The following CLASRP variants were observed in gnomAD, a reference collection of about 807,000 sequenced individuals.
The protein encoded by CLASRP is CLK4 associating serine/arginine rich protein.
A neutral mutation model predicts 99.9 loss-of-function variants in CLASRP; 52 were observed. That is an observed-to-expected ratio of 0.52 (90% CI 0.42 to 0.66). CLASRP has a LOEUF of 0.66. CLASRP is among the 30% of genes least tolerant of loss of function. The pLI, the probability that CLASRP is intolerant of heterozygous loss-of-function variation, is 0.00. For missense variants in CLASRP, 848 were observed against 999.2 expected, an observed-to-expected ratio of 0.85 and a Z score of 2.04; for synonymous variants, 379 against 373.0, an observed-to-expected ratio of 1.02 and a Z score of -0.18.
In CLASRP at chr19:45,064,617, C is replaced by A. The variant is rs754173906; in HGVS notation, c.1396C>A (p.Arg466=). ...SPARRGGYGP[R]RRSRSRSHSG... is the part of the protein sequence containing the mutation. ...CGCCCGGCGTGGTGGTTACGGGCCC[C>A]GGCGCAGAAGCAGGTGTGTGTGGCT... Residue 466 remains arginine (R), a synonymous_variant, in exon 13 of 21, where the codon CGG becomes AGG. Transcript: ENST00000221455. 1.3e-6 allele frequency: 2 copies of A among 1,551,304 alleles called. No individual in the cohort carries two copies. The highest frequency in any genetic ancestry group is 4.7e-5 in the East Asian group (2 of 42,250).
At position 45,070,804 on chromosome 19, in the gene CLASRP, C is replaced by T. The variant is rs935094801; in HGVS notation, c.1984C>T (p.Arg662Cys). ...YSREYSSSRR[R>C]SRSRSRSPHY... ...CGGCCCCTCCCTTTCTCTTTCCAGG[C>T]GCTCAAGGTCCCGATCCCGAAGCCC... Residue 662 changes from arginine to cysteine, a missense_variant and splice_region_variant, in exon 21 of 21, where the codon CGC becomes TGC. Physicochemically the swap from Arg to Cys is radical, Grantham distance 180 (BLOSUM62 -3). Around this residue, in one of 8 missense-constraint regions of CLASRP, gnomAD observed 116 missense variants for 162.7 expected, o/e 0.71. Transcript: ENST00000221455. 3.2e-5 allele frequency: 51 copies of T among 1,610,648 alleles called. No homozygotes were observed. The highest frequency in any genetic ancestry group is 7.7e-5 in the South Asian group (7 of 90,824).
At chr19:45,046,591 G>A (rs1250809474) in intron 2 of CLASRP, among the ~76,000 whole-genome samples, 1 of 152,182 alleles carries the variant, frequency 6.6e-6, no homozygotes, top group Non-Finnish European at 1.5e-5. Context: ...AGCCCATGAG[G>A]GCAGGGCCAG....
chr19:45,065,417 T>C (rs1967062882), intron 13 of CLASRP, among the ~76,000 whole-genome samples: 1 of 148,780 alleles, frequency 6.7e-6, no homozygotes, highest in South Asian at 2.1e-4. Context: ...AAAAATTAGC[T>C]GGGCGTGGTG....
In CLASRP at chr19:45,060,530, A is replaced by G; in HGVS notation, c.790-24A>G. ...GTCACAGGGAGGGCACCCCCTCACC[A>G]ACCTGGCACCCACCCTACTCCAGGG... is the stretch of plus-strand genomic sequence containing the variant. On this transcript the variant is annotated intron_variant, in intron 9 of 20. Coordinates refer to ENST00000221455, the MANE Select transcript of CLASRP (RefSeq NM_007056.3). The surrounding 1 kb of genome is among the most constrained non-coding windows in gnomAD (Gnocchi z 4.6). 6.2e-7 allele frequency: 1 copy of G among 1,613,586 alleles called. No individual in the cohort carries two copies. Among genetic ancestry groups the G allele is most frequent in the East Asian group, 2.2e-5 (1 of 44,836 alleles).
At position 45,060,380 on chromosome 19, in the gene CLASRP, C is replaced by T; in HGVS notation, c.711-9C>T. The T allele has an allele frequency of 6.2e-7, 1 of 1,613,806 alleles. No homozygotes were observed. Among genetic ancestry groups the T allele is most frequent in the East Asian group, 2.2e-5 (1 of 44,872 alleles). On this transcript the variant is annotated splice_polypyrimidine_tract_variant and intron_variant, in intron 8 of 20. Coordinates refer to ENST00000221455, the MANE Select transcript of CLASRP (RefSeq NM_007056.3). The surrounding 1 kb of genome is among the most constrained non-coding windows in gnomAD (Gnocchi z 4.6). ...CATCCTCCACCCTAATTCTCACCCACCTCTATAGGATGCTCCGGAAAGACA... is the reference window on the plus strand; with the variant it reads ...CATCCTCCACCCTAATTCTCACCCATCTCTATAGGATGCTCCGGAAAGACA...
Position 45,064,150 on chromosome 19 carries a change from A to C in CLASRP, c.1044A>C (p.Ala348=). The part of the protein sequence containing the change: ...EAAAAAAAAA[A]SGVTTGKPPA... Reference sequence around the variant, plus strand: ...CCGCAGCCGCTGCTGCCGCAGCAGCATCAGGAGTCACCACAGGGAAGCCCC... The same window carrying C: ...CCGCAGCCGCTGCTGCCGCAGCAGCCTCAGGAGTCACCACAGGGAAGCCCC... The change falls in exon 12 of 21, where the codon GCA becomes GCC. Residue 348 remains alanine (A), a synonymous_variant. Coordinates refer to ENST00000221455, the MANE Select transcript of CLASRP (RefSeq NM_007056.3). 1 of 1,611,396 alleles carries C rather than the reference A, an allele frequency of 6.2e-7. No homozygotes were observed. The highest frequency in any genetic ancestry group is 8.5e-7 in the Non-Finnish European group (1 of 1,179,396).
At chr19:45,054,590 C>T (rs1220842092) in intron 5 of CLASRP, among the ~76,000 whole-genome samples, 3 of 152,186 alleles carry the variant, frequency 2.0e-5, no homozygotes, top group African/African-American at 7.2e-5. Flanking sequence ...GGGGAACACC[C>T]TGTCCAAGGA....
At position 45,052,788 on chromosome 19, in the gene CLASRP, C is replaced by G; in HGVS notation, c.198-3C>G. 6.2e-7 allele frequency: 1 copy of G among 1,610,720 alleles called. No homozygotes were observed. The highest frequency in any genetic ancestry group is 8.5e-7 in the Non-Finnish European group (1 of 1,178,338). ...TTGCTTTCTTGCTCCCCTCCCACTT[C>G]AGGATGCCCTGGCAGGGGGACACCA... is the stretch of plus-strand genomic sequence containing the variant. On this transcript the variant is annotated splice_polypyrimidine_tract_variant and splice_region_variant and intron_variant, in intron 3 of 20. Transcript: ENST00000221455.
At chr19:45,054,290 C>T (rs1424228584) in intron 5 of CLASRP, among the ~76,000 whole-genome samples, 1 of 152,106 alleles carries the variant, frequency 6.6e-6, no homozygotes, top group Admixed American at 6.5e-5. Context: ...TACTCTGTTG[C>T]CCAGGCTGGC....
chr19:45,041,046 C>T (rs968832092), intron 2 of CLASRP, among the ~76,000 whole-genome samples: 2 of 151,808 alleles, frequency 1.3e-5, no homozygotes, highest in African/African-American at 2.4e-5. Context: ...CACGGTGAAA[C>T]CCCATCTCTA....
At chr19:45,050,903 G>C (rs1257473449) in intron 2 of CLASRP, among the ~76,000 whole-genome samples, 2 of 151,854 alleles carry the variant, frequency 1.3e-5, no homozygotes, top group Non-Finnish European at 2.9e-5. Flanking sequence ...ATTTTTAGTA[G>C]AGACAGGGTT....
At chr19:45,047,632 G>C (rs1338192295) in intron 2 of CLASRP, 7 of 152,164 alleles carry the variant, frequency 4.6e-5, no homozygotes, top group Admixed American at 3.9e-4. Flanking sequence ...GGTTGACAGG[G>C]ATGGGGGGAG....
chr19:45,057,321 TC>T (rs1029758140), intron 6 of CLASRP, among the ~76,000 whole-genome samples: 10 of 152,120 alleles, frequency 6.6e-5, no homozygotes, highest in African/African-American at 2.4e-4. Context: ...ACTGGGAGCT[TC>T]TTGGAGACTT....
Position 45,064,512 on chromosome 19 carries a change from C to T in CLASRP, c.1291C>T (p.Arg431Cys), listed in dbSNP as rs1283779938. Residue 431 changes from arginine (R) to cysteine (C), a missense_variant, in exon 13 of 21, where the codon CGC becomes TGC. Transcript: ENST00000221455. Reference sequence around the variant, plus strand: ...GTCCCGCTCCCGCTCCCGCTCCCGGCGCTATTCCCGGTCCCGTAGCCGTGG... The same window carrying T: ...GTCCCGCTCCCGCTCCCGCTCCCGGTGCTATTCCCGGTCCCGTAGCCGTGG... ...SWSRSRSRSRRYSRSRSRGRR... is the reference protein window; with the variant it reads ...SWSRSRSRSRCYSRSRSRGRR... 4.0e-5 allele frequency: 61 copies of T among 1,535,042 alleles called. No individual in the cohort carries two copies. The highest frequency in any genetic ancestry group is 4.9e-5 in the Non-Finnish European group (56 of 1,144,458).
rs372088836 is a variant in CLASRP at position 45,043,851 on chromosome 19, G to C, written c.99+3540G>C. On this transcript the variant is annotated intron_variant, in intron 2 of 20. Coordinates refer to ENST00000221455, the MANE Select transcript of CLASRP (RefSeq NM_007056.3). ...TGGTCATAGTTGAGGCCCCAGAAGTGGCCTAGGAACACAGCACTCAGGAAT... is the reference window on the plus strand; with the variant it reads ...TGGTCATAGTTGAGGCCCCAGAAGTCGCCTAGGAACACAGCACTCAGGAAT... 2.3e-4 allele frequency among the ~76,000 whole-genome samples: 35 copies of C among 152,166 alleles called. No individual in the cohort carries two copies. The East Asian group carries it at 2.7e-3, about 12-fold the overall frequency.
chr19:45,059,695 G>GCTCTACCCTGGTTATTTATC (rs1966896788), intron 8 of CLASRP, among the ~76,000 whole-genome samples: 1 of 152,180 alleles, frequency 6.6e-6, no homozygotes, highest in African/African-American at 2.4e-5. Context: ...CCTGGCAGTT[G>GCTCTACCCTGGTTATTTATC]CTGGTTGTAC....
At chr19:45,057,131 TCA>T (rs1972134024) in intron 6 of CLASRP, among the ~76,000 whole-genome samples, 1 of 152,156 alleles carries the variant, frequency 6.6e-6, no homozygotes, top group South Asian at 2.1e-4. Flanking sequence ...CCTCCCGCCC[TCA>T]CACACGCTAT....
rs796451201 is a variant in CLASRP, at chr19:45,059,676, G to GT, written c.710+314dup. 6.6e-5 allele frequency among the ~76,000 whole-genome samples: 10 copies of GT among 152,234 alleles called. 1 individual carries two copies. The highest frequency in any genetic ancestry group is 2.4e-4 in the African/African-American group (10 of 41,538). On this transcript the variant is annotated intron_variant, in intron 8 of 20. Coordinates refer to ENST00000221455, the MANE Select transcript of CLASRP (RefSeq NM_007056.3). The stretch of plus-strand genomic sequence containing the variant: ...TCTAGTGGAGAGGCTTCATTCCCTG[G>GT]TTATTTATCCTGGCAGTTGCTGGTT...
intron 10 of CLASRP, among the ~76,000 whole-genome samples, chr19:45,061,813 A>T (rs984545940): frequency 6.6e-6 from 1 of 151,802 alleles, no homozygotes; most frequent in South Asian, 2.1e-4. Context: ...CATCATCATT[A>T]GTAAGCCCGG....
Sources: gnomAD v4.1 joint callset for allele counts (sites outside exome capture counted in the v4.1 genomes callset) on GRCh38, gnomAD v4.1.1 for gene constraint, gnomAD v4.1.1 regional missense constraint, Gnocchi (gnomAD v3.1) non-coding constraint, MANE v1.5 for transcripts, NCBI Gene and HGNC (gene_info 2026-07-23, HGNC 2026-07-21) for gene names.